The following MARCHF10 variants were observed in gnomAD, a reference collection of about 807,000 sequenced individuals.
MARCHF10 encodes membrane associated ring-CH-type finger 10.
In MARCHF10, 64 loss-of-function variants were observed where a neutral mutation model predicts 76.2. The observed-to-expected ratio is 0.84, with a 90% CI of 0.69 to 1.03. The LOEUF (loss-of-function observed/expected upper bound fraction) is 1.03. MARCHF10 is among the 50% of genes least tolerant of loss of function. MARCHF10 has a pLI of 0.00. For missense variants in MARCHF10, 875 were observed against 958.0 expected (o/e 0.91, Z 1.14); for synonymous variants, 340 against 357.5 (o/e 0.95, Z 0.55).
intron 3 of MARCHF10, 92 bp downstream of exon 3, chr17:62,788,388 G>A (rs1598035133): frequency 6.6e-7 from 1 of 1,519,742 alleles, no homozygotes; most frequent in East Asian, 2.3e-5. Flanking sequence ...TCCTTTTTGA[G>A]TTGGCTTTTT....
chr17:62,771,752 T>C (rs187748052), intron 3 of MARCHF10, among the ~76,000 whole-genome samples: 42 of 152,058 alleles, frequency 2.8e-4, no homozygotes, highest in African/African-American at 9.9e-4. Flanking sequence ...AATTTTTGTA[T>C]TTTTATTAGA....
rs558125147 is a variant in MARCHF10, at chr17:62,713,271, G to C, written c.2215-1927C>G. On this transcript the variant is annotated intron_variant, in intron 8 of 10. Coordinates refer to ENST00000311269, the MANE Select transcript of MARCHF10 (RefSeq NM_152598.4). ...TCTTTGCCAGCCAGCTTTTATGCTT[G>C]AGACACCGGGATGCATGATGACAAA... is the stretch of plus-strand genomic sequence containing the variant. Among the ~76,000 whole-genome samples, 5 of 152,318 alleles carry C rather than the reference G, an allele frequency of 3.3e-5. No homozygotes were observed. In the East Asian group the frequency reaches 7.7e-4, roughly 23 times the overall value.
chr17:62,737,407 A>C, intron 5 of MARCHF10, 75 bp from the exon 6 acceptor site: 1 of 1,415,994 alleles, frequency 7.1e-7, no homozygotes, highest in South Asian at 1.2e-5. Context: ...ACCAAGTGCA[A>C]AATTGCCCTT....
intron 6 of MARCHF10, among the ~76,000 whole-genome samples, chr17:62,732,732 C>T (rs1440825522): frequency 6.6e-6 from 1 of 152,020 alleles, no homozygotes; most frequent in Non-Finnish European, 1.5e-5. Context: ...GTGGTTCAAG[C>T]CTGTAATTCC....
At chr17:62,775,692 A>T (rs1271611952) in intron 3 of MARCHF10, among the ~76,000 whole-genome samples, 1 of 152,118 alleles carries the variant, frequency 6.6e-6, no homozygotes, top group Non-Finnish European at 1.5e-5. Context: ...ACAAAATAAA[A>T]GAGTTTTAGG....
At chr17:62,743,981 G>T (rs2091608644) in intron 5 of MARCHF10, among the ~76,000 whole-genome samples, 1 of 152,126 alleles carries the variant, frequency 6.6e-6, no homozygotes, top group Admixed American at 6.6e-5. Flanking sequence ...CAACTGCCAG[G>T]TGGGACATGC....
intron 3 of MARCHF10, among the ~76,000 whole-genome samples, chr17:62,765,351 CAAAAAAA>C (rs57082084): frequency 3.1e-4 from 23 of 73,600 alleles, no homozygotes; most frequent in African/African-American, 1.2e-3. Context: ...GACTCTGTCT[CAAAAAAA>C]AAAAAAAAAA....
At chr17:62,750,727 C>T (rs1314798980) in intron 4 of MARCHF10, among the ~76,000 whole-genome samples, 4 of 152,222 alleles carry the variant, frequency 2.6e-5, no homozygotes, top group Non-Finnish European at 4.4e-5. Flanking sequence ...GGAAGCGGCA[C>T]CAGCATCACA....
In MARCHF10 at chr17:62,738,099, C is replaced by CACACA. The variant is rs891701478; in HGVS notation, c.536-768_536-767insTGTGT. Among the ~76,000 whole-genome samples the CACACA allele has an allele frequency of 1.3e-4, 20 of 151,256 alleles. No individual in the cohort carries two copies. Among genetic ancestry groups the CACACA allele is most frequent in the African/African-American group, 4.4e-4 (18 of 41,226 alleles). On this transcript the variant is annotated intron_variant, in intron 5 of 10. Coordinates refer to ENST00000311269, the MANE Select transcript of MARCHF10 (RefSeq NM_152598.4). The surrounding 1 kb of genome is among the most constrained non-coding windows in gnomAD (Gnocchi z 4.0). ...ACACACACACACACACACACACACA[C>CACACA]AACTTAAGCCTCACAACCCTGTGAA...
rs368507386 is a variant in MARCHF10 at position 62,711,729 on chromosome 17, G to C, written c.2215-385C>G. Among the ~76,000 whole-genome samples the C allele has an allele frequency of 1.3e-5, 2 of 152,010 alleles. No individual in the cohort carries two copies. Among genetic ancestry groups the C allele is most frequent in the Non-Finnish European group, 2.9e-5 (2 of 68,016 alleles). ...CTGGTGTGGGGGAGAGAGCTTCATC[G>C]GTAAACAGCTCCAGTACAAGCTGGA... On this transcript the variant is annotated intron_variant, in intron 8 of 10. Coordinates refer to ENST00000311269, the MANE Select transcript of MARCHF10 (RefSeq NM_152598.4). This position sits in a 1 kb window ranked among gnomAD's most constrained non-coding sequence, Gnocchi z 4.4.
At chr17:62,764,876 T>C (rs906199233) in intron 3 of MARCHF10, among the ~76,000 whole-genome samples, 2 of 152,212 alleles carry the variant, frequency 1.3e-5, no homozygotes, top group African/African-American at 4.8e-5. Context: ...AATTGTACGC[T>C]TGGACAATAA....
At chr17:62,792,659 A>T (rs2092869358) in intron 2 of MARCHF10, among the ~76,000 whole-genome samples, 2 of 127,070 alleles carry the variant, frequency 1.6e-5, no homozygotes, top group Non-Finnish European at 3.2e-5. Context: ...CAACACAACC[A>T]TCAACCACCA....
chr17:62,701,346 C>A lies in MARCHF10; in HGVS notation c.*357G>T. ...ATAATGTCAGTTTACTGAATGAATACATGGCTCGAGTCCATTCAGGGTGGA... is the reference window on the plus strand; with the variant it reads ...ATAATGTCAGTTTACTGAATGAATAAATGGCTCGAGTCCATTCAGGGTGGA... On this transcript the variant is annotated 3_prime_UTR_variant, in exon 11 of 11. Transcript: ENST00000311269. 1 of 311,116 alleles carries A rather than the reference C, an allele frequency of 3.2e-6. No individual in the cohort carries two copies. Among genetic ancestry groups the A allele is most frequent in the South Asian group, 5.0e-5 (1 of 19,868 alleles). The allele number at this position is 311,116 out of a possible 1,614,324, so 19.3% of individuals were successfully genotyped here.
intron 3 of MARCHF10, among the ~76,000 whole-genome samples, chr17:62,764,506 AC>A (rs1422954736): frequency 6.6e-6 from 1 of 152,176 alleles, no homozygotes; most frequent in African/African-American, 2.4e-5. Context: ...TTTGAAATGA[AC>A]TTGGTCTCGT....
At chr17:62,740,718 G>A (rs898420493) in intron 5 of MARCHF10, among the ~76,000 whole-genome samples, 1 of 151,462 alleles carries the variant, frequency 6.6e-6, no homozygotes, top group African/African-American at 2.4e-5. Flanking sequence ...GAGTACAGTT[G>A]TAGGCTCAAA....
chr17:62,801,548 A>G (rs561143526), intron 2 of MARCHF10, 98 bp downstream of exon 2: 10 of 1,076,358 alleles, frequency 9.3e-6, no homozygotes, highest in Admixed American at 5.4e-5. Context: ...TGGATTTTAG[A>G]AAACTTTTAC....
intron 5 of MARCHF10, among the ~76,000 whole-genome samples, chr17:62,743,526 C>G (rs1335717475): frequency 6.6e-6 from 1 of 152,050 alleles, no homozygotes; most frequent in African/African-American, 2.4e-5. Context: ...GCCTGTGGTC[C>G]CAGCTACTTG....
Position 62,808,082 on chromosome 17 carries a change from G to A in MARCHF10, c.-23C>T, listed in dbSNP as rs1436789823. 7 of 150,864 alleles carry A rather than the reference G, an allele frequency of 4.6e-5. No individual in the cohort carries two copies. Among genetic ancestry groups the A allele is most frequent in the Admixed American group, 4.6e-4 (7 of 15,112 alleles). 9.3% of individuals were successfully genotyped at this position (150,864 alleles called of 1,614,324 possible). On this transcript the variant is annotated 5_prime_UTR_variant, in exon 1 of 11. Transcript: ENST00000311269. ...GGGGGCGAGGGGGCCGTTACCTGTG[G>A]GTCTGCCCTTCCTCCCCTGCCGGGG...
rs1348673526 is a variant in MARCHF10 at position 62,801,768 on chromosome 17, A to G, written c.-17-16T>C. The G allele has an allele frequency of 6.4e-7, 1 of 1,562,994 alleles. No individual in the cohort carries two copies. The highest frequency in any genetic ancestry group is 8.8e-7 in the Non-Finnish European group (1 of 1,133,432). ...AATCCCTGACCTGCACAGAAAAGATAAACAAATGTGCTGTGTTAGAGTCCT... is the reference window on the plus strand; with the variant it reads ...AATCCCTGACCTGCACAGAAAAGATGAACAAATGTGCTGTGTTAGAGTCCT... On this transcript the variant is annotated splice_polypyrimidine_tract_variant and intron_variant, in intron 1 of 10. Transcript: ENST00000311269.
Sources: allele counts gnomAD v4.1 joint callset (sites outside exome capture counted in the v4.1 genomes callset), GRCh38; gene constraint gnomAD v4.1.1; non-coding constraint Gnocchi (gnomAD v3.1); transcripts MANE v1.5; gene names NCBI Gene and HGNC (gene_info 2026-07-23, HGNC 2026-07-21).